ABCG5: variants seen among roughly 807,000 people sequenced by gnomAD.
The protein encoded by ABCG5 is ATP binding cassette subfamily G member 5, also known as ATP-binding cassette sub-family G member 5.
ABCG5 carries 64 observed loss-of-function variants against 64.5 expected under a neutral mutation model. That is an observed-to-expected ratio of 0.99 (90% confidence interval 0.81 to 1.22). ABCG5 has a LOEUF of 1.22. Ranked by LOEUF, ABCG5 falls within the 50% of genes most tolerant of loss-of-function variation. The pLI is 0.00. For synonymous variants in ABCG5, 385 were observed against 326.3 expected (o/e 1.18, Z -1.94); for missense variants, 908 against 829.5 (o/e 1.09, Z -1.16).
chr2:43,837,276 T>C (rs1197479029), intron 2 of ABCG5, among the ~76,000 whole-genome samples: 1 of 151,918 alleles, frequency 6.6e-6, no homozygotes, highest in East Asian at 1.9e-4. Context: ...TGCACCACCA[T>C]GCCTGGCTAA....
rs1055002944 is a variant in ABCG5, at chr2:43,831,717, G to A, written c.501+52C>T. ...CGTAGGCGAAGAGAGGAGGGCAGCGGGGGGTGCAAAGGTACTCAGTTTGCC... is the reference window on the plus strand; with the variant it reads ...CGTAGGCGAAGAGAGGAGGGCAGCGAGGGGTGCAAAGGTACTCAGTTTGCC... On this transcript the variant is annotated intron_variant, in intron 4 of 12. Transcript: ENST00000405322. 8.0e-6 allele frequency: 12 copies of A among 1,492,380 alleles called. No homozygotes were observed. In the South Asian group the frequency reaches 8.4e-5, roughly 10 times the overall value. The allele number at this position is 1,492,380 out of a possible 1,614,324, so 92.4% of individuals were successfully genotyped here. A position where few individuals can be genotyped will look rare whatever the true frequency, so the allele number is the denominator to read the frequency against.
rs774178234 is a variant in ABCG5 at position 43,826,428 on chromosome 2, C to T, written c.728G>A (p.Arg243Gln). 1.1e-5 allele frequency: 18 copies of T among 1,613,948 alleles called. No individual in the cohort carries two copies. Among genetic ancestry groups the T allele is most frequent in the South Asian group, 7.7e-5 (7 of 91,082 alleles). ...VLLVELARRN[R>Q]IVVLTIHQPR... The stretch of plus-strand genomic sequence containing the variant: ...CTGGTGAATGGTGAGAACCACAATT[C>T]GGTTCCTGCGAGCCAGTTCCACCAG... Residue 243 changes from arginine (R) to glutamine (Q), a missense_variant, in exon 6 of 13, where the codon CGA becomes CAA. By Grantham distance (43) the Arg-to-Gln change is conservative. Transcript: ENST00000405322.
chr2:43,807,760 AAAAAAAAAAAAAAG>A (rs1666320650), downstream of ABCG5, among the ~76,000 whole-genome samples: 1 of 148,596 alleles, frequency 6.7e-6, no homozygotes, highest in African/African-American at 2.6e-5. Flanking sequence ...AAAAAAAAAA[AAAAAAAAAAAAAAG>A]GTTACAGTTA....
rs1281965785 is a variant in ABCG5, at chr2:43,832,047, C to T, written c.302G>A (p.Gly101Glu). The part of the protein sequence containing the change: ...GKTTLLDAMS[G>E]RLGRAGTFLG... ...GAAGGTCCCCGCGCGCCCCAGCCTC[C>T]CGGACATGGCGTCCAGCAGCGTGGT... Residue 101 changes from glycine to glutamate, a missense_variant, in exon 3 of 13, where the codon GGG becomes GAG. By Grantham distance (98) the Gly-to-Glu change is moderately conservative. Coordinates refer to ENST00000405322, the MANE Select transcript of ABCG5 (RefSeq NM_022436.3). 1 of 1,580,326 alleles carries T rather than the reference C, an allele frequency of 6.3e-7. No individual in the cohort carries two copies. The highest frequency in any genetic ancestry group is 2.3e-5 in the East Asian group (1 of 43,426).
intron 2 of ABCG5, among the ~76,000 whole-genome samples, chr2:43,836,169 G>C (rs947469223): frequency 2.0e-5 from 3 of 151,880 alleles, no homozygotes; most frequent in Non-Finnish European, 4.4e-5. Context: ...TCGAATTCCT[G>C]ACCTCAAGTG....
chr2:43,822,479 C>CT, intron 10 of ABCG5: 2 of 668,688 alleles, frequency 3.0e-6, no homozygotes, highest in Non-Finnish European at 3.6e-6. Context: ...CTCCCCCAGG[C>CT]CCCCCCCCAT....
At chr2:43,831,662 A>T in intron 4 of ABCG5, 107 bp downstream of exon 4, 1 of 1,132,654 alleles carries the variant, frequency 8.8e-7, no homozygotes, top group Non-Finnish European at 1.3e-6. Flanking sequence ...AGAGTGAAGG[A>T]GTGACGAGCA....
chr2:43,836,591 A>G (rs2104887428), intron 2 of ABCG5, among the ~76,000 whole-genome samples: 1 of 152,264 alleles, frequency 6.6e-6, no homozygotes, highest in East Asian at 1.9e-4. Context: ...GCTGCTGAGA[A>G]CGTCAGCTGC....
chr2:43,812,243 TTAAA>T (rs1403943064), downstream of ABCG5, among the ~76,000 whole-genome samples: 1 of 152,150 alleles, frequency 6.6e-6, no homozygotes, highest in Non-Finnish European at 1.5e-5. Context: ...TATATGGACT[TTAAA>T]TAACAGCTGA....
intron 6 of ABCG5, among the ~76,000 whole-genome samples, chr2:43,825,717 C>T (rs1234420014): frequency 6.6e-6 from 1 of 151,530 alleles, no homozygotes; most frequent in African/African-American, 2.4e-5. Flanking sequence ...AGCGATTCTC[C>T]TGCCTCAGCT....
Position 43,814,472 on chromosome 2 carries a change from C to T in ABCG5, c.1762+5G>A, listed in dbSNP as rs766272756. 3 of 1,572,340 alleles carry T rather than the reference C, an allele frequency of 1.9e-6. No individual in the cohort carries two copies. Among genetic ancestry groups the T allele is most frequent in the East Asian group, 2.2e-5 (1 of 44,492 alleles). On this transcript the variant is annotated splice_donor_5th_base_variant and intron_variant, in intron 12 of 12. Transcript: ENST00000405322. The stretch of plus-strand genomic sequence containing the variant: ...AAAAATAATATCCCCAAATAGAATA[C>T]TTACCACAAGTGAAATTCAGTCCGT...
In ABCG5 at chr2:43,838,380, G is replaced by A. The variant is rs1356179102; in HGVS notation, c.143+157C>T. 2 of 721,776 alleles carry A rather than the reference G, an allele frequency of 2.8e-6. No homozygotes were observed. Among genetic ancestry groups the A allele is most frequent in the African/African-American group, 1.8e-5 (1 of 56,270 alleles). The allele number at this position is 721,776 out of a possible 1,614,324, so 44.7% of individuals were successfully genotyped here. A position where few individuals can be genotyped will look rare whatever the true frequency, so the allele number is the denominator to read the frequency against. On this transcript the variant is annotated intron_variant, in intron 1 of 12. Coordinates refer to ENST00000405322, the MANE Select transcript of ABCG5 (RefSeq NM_022436.3). This position sits in a 1 kb window ranked among gnomAD's most constrained non-coding sequence, Gnocchi z 4.2. ...ATTCACTGTCGCTCCATGTTTCCCA[G>A]CACAGCCCTTCTCCCTCTCCTCTCT...
chr2:43,816,329 G>C (rs1558722142), intron 11 of ABCG5, among the ~76,000 whole-genome samples: 1 of 152,198 alleles, frequency 6.6e-6, no homozygotes, highest in African/African-American at 2.4e-5. Context: ...GGAAGACCGT[G>C]ACAGGAAGTA....
chr2:43,806,836 A>C, the ABCG5 span, among the ~76,000 whole-genome samples: 109 of 152,244 alleles, frequency 7.2e-4, no homozygotes, highest in African/African-American at 2.6e-3. Context: ...ATCACCCTTC[A>C]TTCATCTCTT....
rs763366640 is a variant in ABCG5, at chr2:43,822,863, G to A, written c.1397C>T (p.Ala466Val). Reference protein sequence around the residue: ...GLYQKWQMMLAYALHVLPFSV... With the variant: ...GLYQKWQMMLVYALHVLPFSV... ...GAAGGGGAGGACGTGCAGTGCATAG[G>A]CCAGCATCATCTGCCACTTCTGGTA... The change falls in exon 10 of 13, where the codon GCC becomes GTC. Residue 466 changes from alanine (A) to valine (V), a missense_variant. Ala to Val is a moderately conservative substitution (Grantham distance 64). Transcript: ENST00000405322. 7 of 1,614,126 alleles carry A rather than the reference G, an allele frequency of 4.3e-6. No individual in the cohort carries two copies. In the South Asian group the frequency reaches 7.7e-5, roughly 18 times the overall value.
intron 10 of ABCG5, chr2:43,822,531 C>T (rs1667294349): frequency 2.0e-6 from 2 of 981,728 alleles, no homozygotes; most frequent in East Asian, 1.2e-4. Context: ...TCTTCTCTGG[C>T]CCAGGCCCTG....
At chr2:43,836,798 A>G (rs751878010) in intron 2 of ABCG5, among the ~76,000 whole-genome samples, 5 of 152,168 alleles carry the variant, frequency 3.3e-5, no homozygotes, top group Non-Finnish European at 7.4e-5. Flanking sequence ...ACCTCAGTGC[A>G]ATTTGTAATG....
chr2:43,827,931 C>T, intron 5 of ABCG5, 52 bp downstream of exon 5: 1 of 1,610,640 alleles, frequency 6.2e-7, no homozygotes. Context: ...TATCTGCACA[C>T]ACACAGAAGA....
chr2:43,817,008 C>G (rs922987539), intron 11 of ABCG5, among the ~76,000 whole-genome samples: 4 of 152,132 alleles, frequency 2.6e-5, no homozygotes, highest in African/African-American at 7.2e-5. Flanking sequence ...GGCAGTTCAC[C>G]CAGAAAGATG....
Sources: gnomAD v4.1 joint callset for allele counts (sites outside exome capture counted in the v4.1 genomes callset) on GRCh38, gnomAD v4.1.1 for gene constraint, Gnocchi (gnomAD v3.1) non-coding constraint, MANE v1.5 for transcripts, NCBI Gene and HGNC (gene_info 2026-07-23, HGNC 2026-07-21) for gene names.